SCFD1: variants seen among roughly 807,000 people sequenced by gnomAD.
SCFD1 encodes the protein sec1 family domain-containing protein 1.
In SCFD1, 37 loss-of-function variants were observed where a neutral mutation model predicts 103.2. The observed-to-expected ratio is 0.36, with a 90% CI of 0.28 to 0.47. The LOEUF (loss-of-function observed/expected upper bound fraction) is 0.47. Among genes scored for constraint, SCFD1 ranks in the 20% least tolerant of loss-of-function variants. SCFD1 has a pLI of 1.00. For synonymous variants in SCFD1, 264 were observed against 245.0 expected (o/e 1.08, Z -0.73); for missense variants, 639 against 761.2 (o/e 0.84, Z 1.89).
chr14:30,707,488 A>G (rs1312748812), intron 18 of SCFD1, among the ~76,000 whole-genome samples: 1 of 152,220 alleles, frequency 6.6e-6, no homozygotes. Context: ...TATACAATGT[A>G]GAATTGGATC....
intron 20 of SCFD1, among the ~76,000 whole-genome samples, chr14:30,718,397 C>T (rs1444445594): frequency 6.6e-6 from 1 of 152,206 alleles, no homozygotes; most frequent in Non-Finnish European, 1.5e-5. Context: ...TTGACTTTCA[C>T]TTTATAACTC....
Position 30,650,595 on chromosome 14 carries a change from A to T in SCFD1, c.700A>T (p.Arg234Ter). 6.2e-7 allele frequency: 1 copy of T among 1,610,298 alleles called. No individual in the cohort carries two copies. Among genetic ancestry groups the T allele is most frequent in the Non-Finnish European group, 8.5e-7 (1 of 1,176,964 alleles). Reference protein sequence around the residue: ...KLDKKLRENLRDARNSLFTGD... With the variant: ...KLDKKLRENL ...AGACAAGAAACTTCGAGAAAATCTAAGAGATGCAAGAAACAGTCTTTTTAC... is the reference window on the plus strand; with the variant it reads ...AGACAAGAAACTTCGAGAAAATCTATGAGATGCAAGAAACAGTCTTTTTAC... The change falls in exon 9 of 25, where the codon AGA (arginine) becomes TGA (stop). Residue 234 changes from arginine (R) to a stop codon, truncating the protein, a stop_gained. Coordinates refer to ENST00000458591, the MANE Select transcript of SCFD1 (RefSeq NM_016106.4). LOFTEE classifies it high-confidence loss of function.
intron 14 of SCFD1, among the ~76,000 whole-genome samples, chr14:30,683,992 C>T (rs892403370): frequency 1.3e-5 from 2 of 152,028 alleles, no homozygotes; most frequent in East Asian, 3.9e-4. Context: ...TCGCTAGCAG[C>T]AAATGGAGTT....
chr14:30,729,522 A>G (rs1893292643), intron 23 of SCFD1, among the ~76,000 whole-genome samples: 1 of 152,144 alleles, frequency 6.6e-6, no homozygotes, highest in Admixed American at 6.5e-5. Context: ...TTTATTTCTG[A>G]ACTCTCAATT....
Position 30,636,020 on chromosome 14 carries a change from T to C in SCFD1, c.312+1983T>C, listed in dbSNP as rs1380336697. 2.0e-5 allele frequency among the ~76,000 whole-genome samples: 3 copies of C among 152,148 alleles called. No individual in the cohort carries two copies. The East Asian group carries it at 5.8e-4, about 29-fold the overall frequency. On this transcript the variant is annotated intron_variant, in intron 4 of 24. Coordinates refer to ENST00000458591, the MANE Select transcript of SCFD1 (RefSeq NM_016106.4). ...GTAATTAATGATATTAAGCATCTTT[T>C]AACATGCTTATTGGCCATTTGTATG... is the stretch of plus-strand genomic sequence containing the variant.
intron 23 of SCFD1, chr14:30,722,909 CTCCTA>C (rs1477387733): frequency 6.3e-6 from 1 of 157,798 alleles, no homozygotes; most frequent in Admixed American, 6.5e-5. Flanking sequence ...ATGCACTTTA[CTCCTA>C]TCCTATTAGC....
chr14:30,723,713 G>A (rs1453077972), intron 23 of SCFD1, among the ~76,000 whole-genome samples: 3 of 152,146 alleles, frequency 2.0e-5, no homozygotes, highest in Non-Finnish European at 4.4e-5. Context: ...CTATGTCCCT[G>A]CAAAGAACAT....
chr14:30,623,015 T>G (rs1214018662), intron 1 of SCFD1, among the ~76,000 whole-genome samples: 1 of 152,232 alleles, frequency 6.6e-6, no homozygotes, highest in East Asian at 1.9e-4. Context: ...TAGAGCATGT[T>G]TATATAGCTT....
intron 5 of SCFD1, among the ~76,000 whole-genome samples, chr14:30,638,670 G>A (rs1566583740): frequency 6.6e-6 from 1 of 152,010 alleles, no homozygotes; most frequent in East Asian, 1.9e-4. Flanking sequence ...CAAAGTGCCC[G>A]TGTTGCATAT....
chr14:30,710,656 A>G (rs772852446), intron 19 of SCFD1, among the ~76,000 whole-genome samples: 1 of 152,164 alleles, frequency 6.6e-6, no homozygotes, highest in Non-Finnish European at 1.5e-5. Flanking sequence ...AATATTACCA[A>G]ATTATCCTCG....
At chr14:30,639,564 A>G (rs998194171) in intron 5 of SCFD1, among the ~76,000 whole-genome samples, 7 of 152,068 alleles carry the variant, frequency 4.6e-5, no homozygotes, top group Admixed American at 2.0e-4. Flanking sequence ...CCTCCTTCAT[A>G]TTTATTGCCC....
At chr14:30,664,953 C>T (rs1887803419) in intron 10 of SCFD1, among the ~76,000 whole-genome samples, 1 of 152,190 alleles carries the variant, frequency 6.6e-6, no homozygotes, top group Non-Finnish European at 1.5e-5. Context: ...GAGAATGGAA[C>T]CAAGTTGGAA....
rs150315113 is a variant in SCFD1, at chr14:30,713,595, C to A, written c.1630-2329C>A. On this transcript the variant is annotated intron_variant, in intron 19 of 24. Coordinates refer to ENST00000458591, the MANE Select transcript of SCFD1 (RefSeq NM_016106.4). ...CATTTTAGACTAAATAAAGATTTAT[C>A]ATGGAATATTGGTATGAATATTCAG... Among the ~76,000 whole-genome samples the A allele has an allele frequency of 1.1e-4, 16 of 152,218 alleles. No homozygotes were observed. In the East Asian group the frequency reaches 2.9e-3, roughly 28 times the overall value.
At chr14:30,721,720 C>G in intron 21 of SCFD1, 164 bp from the exon 22 acceptor site, 1 of 604,398 alleles carries the variant, frequency 1.7e-6, no homozygotes, top group South Asian at 2.1e-5. Flanking sequence ...ACCCAGTTCA[C>G]TACCTGGCTC....
intron 14 of SCFD1, chr14:30,683,434 G>T: frequency 3.9e-6 from 2 of 507,782 alleles, no homozygotes; most frequent in South Asian, 3.2e-5. Flanking sequence ...GTGAAAAGGT[G>T]GTCTGATTCA....
At chr14:30,633,878 C>A (rs990099434) in intron 3 of SCFD1, 69 bp from the exon 4 acceptor site, 1 of 847,166 alleles carries the variant, frequency 1.2e-6, no homozygotes, top group African/African-American at 1.8e-5. Context: ...CTAGTGAACT[C>A]CCATTTTGAG....
intron 17 of SCFD1, among the ~76,000 whole-genome samples, chr14:30,703,964 AAT>A (rs1467709345): frequency 0.021 from 729 of 34,992 alleles, 18 homozygotes; most frequent in African/African-American, 0.041. Context: ...TATATATATA[AAT>A]AATGAGATAT....
In SCFD1 at chr14:30,658,743, A is replaced by G. The variant is rs560941664; in HGVS notation, c.855+5155A>G. Among the ~76,000 whole-genome samples, 4 of 152,284 alleles carry G rather than the reference A, an allele frequency of 2.6e-5. No homozygotes were observed. In the East Asian group the frequency reaches 7.7e-4, roughly 29 times the overall value. Reference sequence around the variant, plus strand: ...AAGGTTATAAGAGAAGCACTTCAGGAACACCTATTTCCTTAAAGACGTGTG... The same window carrying G: ...AAGGTTATAAGAGAAGCACTTCAGGGACACCTATTTCCTTAAAGACGTGTG... On this transcript the variant is annotated intron_variant, in intron 10 of 24. Transcript: ENST00000458591.
At chr14:30,632,523 C>G (rs1329962504) in intron 3 of SCFD1, among the ~76,000 whole-genome samples, 3 of 152,100 alleles carry the variant, frequency 2.0e-5, no homozygotes, top group Admixed American at 2.0e-4. Context: ...GTTTTCCTTT[C>G]ATTTTTATGT....
Sources: allele counts gnomAD v4.1 joint callset (sites outside exome capture counted in the v4.1 genomes callset), GRCh38; gene constraint gnomAD v4.1.1; transcripts MANE v1.5; gene names NCBI Gene and HGNC (gene_info 2026-07-23, HGNC 2026-07-21).